Variants in JCAD observed in about 807,000 individuals in gnomAD.
The protein encoded by JCAD is junctional cadherin 5 associated.
JCAD carries 40 observed loss-of-function variants against 98.0 expected under a neutral mutation model. The ratio of observed to expected loss-of-function variants is 0.41; its 90% CI spans 0.32 to 0.53. The LOEUF (loss-of-function observed/expected upper bound fraction) is 0.53. Ranked by LOEUF, JCAD falls within the 20% of genes least tolerant of loss-of-function variation. The probability of loss-of-function intolerance (pLI) is 0.31; values close to 1 mark genes in which losing one functional copy is unlikely to be tolerated. For synonymous variants in JCAD, 691 were observed against 682.3 expected, an observed-to-expected ratio of 1.01 and a Z score of -0.20; for missense variants, 1,705 against 1,738.1, an observed-to-expected ratio of 0.98 and a Z score of 0.34.
intron 1 of JCAD, among the ~76,000 whole-genome samples, chr10:30,115,173 CAG>C (rs1447990180): frequency 6.6e-6 from 1 of 152,306 alleles, no homozygotes; most frequent in East Asian, 1.9e-4. Flanking sequence ...TCTCCACAAA[CAG>C]AGAATTGATT....
chr10:30,107,392 G>A (rs1838605020), intron 1 of JCAD, among the ~76,000 whole-genome samples: 1 of 152,200 alleles, frequency 6.6e-6, no homozygotes, highest in South Asian at 2.1e-4. Context: ...GCATTGGCAT[G>A]CTAGAAGACA....
At chr10:30,040,797 G>T (rs769459476) in intron 2 of JCAD, among the ~76,000 whole-genome samples, 1 of 152,248 alleles carries the variant, frequency 6.6e-6, no homozygotes, top group East Asian at 1.9e-4. Flanking sequence ...GAACGCAGAG[G>T]CACAGCCATC....
chr10:30,028,863 G>A lies in JCAD; in HGVS notation c.1285C>T (p.Pro429Ser). Residue 429 changes from proline to serine, a missense_variant, in exon 3 of 4, where the codon CCA (proline) becomes TCA (serine). Around this residue, in one of 3 missense-constraint regions of JCAD, gnomAD observed 1,278 missense variants for 1,243.1 expected, o/e 1.03. Coordinates refer to ENST00000375377, the MANE Select transcript of JCAD (RefSeq NM_020848.4). Reference protein sequence around the residue: ...GFVQYIPFDDPRLRHFKLAQP... With the variant: ...GFVQYIPFDDSRLRHFKLAQP... ...GCTAGTTTAAAATGTCGTAACCGTG[G>A]ATCATCAAAGGGAATGTACTGAACG... 1 of 1,614,224 alleles carries A rather than the reference G, an allele frequency of 6.2e-7. No individual in the cohort carries two copies. The highest frequency in any genetic ancestry group is 8.5e-7 in the Non-Finnish European group (1 of 1,180,048).
chr10:30,077,406 A>G lies in JCAD; in HGVS notation n.129-7585T>C, dbSNP rs145328947. On this transcript the variant is annotated intron_variant and non_coding_transcript_variant, in intron 1 of 2. Transcript: ENST00000465712. ...ATTCTCCTGCCTCAGCCTCCCAAGT[A>G]GCTGGGACTACAAGCACCTACCACC... 4.1e-4 allele frequency among the ~76,000 whole-genome samples: 63 copies of G among 152,248 alleles called. 1 individual carries two copies. The East Asian group carries it at 0.011, about 27-fold the overall frequency.
intron 1 of JCAD, among the ~76,000 whole-genome samples, chr10:30,050,351 G>GAAAA (rs1837444662): frequency 8.8e-6 from 1 of 113,392 alleles, no homozygotes; most frequent in Non-Finnish European, 1.9e-5. Context: ...AAGAAAGAAA[G>GAAAA]AAAAGAAATT....
chr10:30,082,240 T>TA (rs986817222), intron 1 of JCAD, among the ~76,000 whole-genome samples: 1 of 152,086 alleles, frequency 6.6e-6, no homozygotes, highest in Non-Finnish European at 1.5e-5. Context: ...GGATGAAAAA[T>TA]AGAGTTAGTT....
rs891485693 is a variant in JCAD at position 30,030,699 on chromosome 10, C to T, written c.282-833G>A. On this transcript the variant is annotated intron_variant, in intron 2 of 3. Coordinates refer to ENST00000375377, the MANE Select transcript of JCAD (RefSeq NM_020848.4). Reference sequence around the variant, plus strand: ...GTCCCATCCCCAGCTTCTCATCTGGCGGGTCTGGAGAGGGGCTCTATAATC... The same window carrying T: ...GTCCCATCCCCAGCTTCTCATCTGGTGGGTCTGGAGAGGGGCTCTATAATC... Among the ~76,000 whole-genome samples the T allele has an allele frequency of 3.3e-5, 5 of 152,014 alleles. No individual in the cohort carries two copies. The South Asian group carries it at 8.3e-4, about 25-fold the overall frequency.
intron 1 of JCAD, among the ~76,000 whole-genome samples, chr10:30,086,739 T>G (rs1378769444): frequency 2.0e-5 from 3 of 152,232 alleles, no homozygotes; most frequent in African/African-American, 7.2e-5. Flanking sequence ...AACTGTAGAT[T>G]CAAACTCTTT....
At chr10:30,109,293 AGGCTT>A (rs1045479112) in intron 1 of JCAD, among the ~76,000 whole-genome samples, 4 of 152,198 alleles carry the variant, frequency 2.6e-5, no homozygotes, top group African/African-American at 4.8e-5. Flanking sequence ...ATGCATGTCT[AGGCTT>A]GGTTCATTAA....
rs148567590 is a variant in JCAD, at chr10:30,047,136, G to T, written c.281+396C>A. On this transcript the variant is annotated intron_variant, in intron 2 of 3. Coordinates refer to ENST00000375377, the MANE Select transcript of JCAD (RefSeq NM_020848.4). The stretch of plus-strand genomic sequence containing the variant: ...GCTCACTAATCCCAGCACTTTGGGA[G>T]GCCTAGGCGGGCAGATCACGAGGTC... Among the ~76,000 whole-genome samples, 1,060 of 152,210 alleles carry T rather than the reference G, an allele frequency of 7.0e-3. 15 individuals are homozygous for T. Among genetic ancestry groups the T allele is most frequent in the South Asian group, 0.052 (250 of 4,822 alleles).
At position 30,059,002 on chromosome 10, in the gene JCAD, C is replaced by T. The variant is rs2132657443; in HGVS notation, c.-60+480G>A. 6.6e-6 allele frequency among the ~76,000 whole-genome samples: 1 copy of T among 152,204 alleles called. No individual in the cohort carries two copies. Among genetic ancestry groups the T allele is most frequent in the Non-Finnish European group, 1.5e-5 (1 of 67,982 alleles). ...CGTGGGAACTGGGACCTCGGGGACCCAGCGCGGCGGCTGTCAGCTCTGGGG... is the reference window on the plus strand; with the variant it reads ...CGTGGGAACTGGGACCTCGGGGACCTAGCGCGGCGGCTGTCAGCTCTGGGG... On this transcript the variant is annotated intron_variant, in intron 1 of 3. Transcript: ENST00000375377. This position sits in a 1 kb window ranked among gnomAD's most constrained non-coding sequence, Gnocchi z 5.0.
chr10:30,060,747 T>C (rs1837684990), upstream of JCAD, among the ~76,000 whole-genome samples: 2 of 152,142 alleles, frequency 1.3e-5, no homozygotes, highest in Admixed American at 1.3e-4. Context: ...TTAATCCTCA[T>C]CACAGTTTGA....
chr10:30,106,583 C>T (rs1012770056), intron 1 of JCAD, among the ~76,000 whole-genome samples: 2 of 152,320 alleles, frequency 1.3e-5, no homozygotes, highest in East Asian at 3.9e-4. Flanking sequence ...TTACCGCAAC[C>T]TCTGCCTCCT....
At chr10:30,065,043 T>C (rs1343705119) in intron 2 of JCAD, among the ~76,000 whole-genome samples, 1 of 152,188 alleles carries the variant, frequency 6.6e-6, no homozygotes, top group Admixed American at 6.6e-5. Flanking sequence ...CAATAGTGGT[T>C]ACACAGAAAC....
chr10:30,074,794 TG>T (rs981066241), intron 1 of JCAD, among the ~76,000 whole-genome samples: 6 of 151,922 alleles, frequency 3.9e-5, no homozygotes, highest in South Asian at 4.2e-4. Context: ...ACTACTGTTT[TG>T]TTTTTTTTTT....
intron 1 of JCAD, among the ~76,000 whole-genome samples, chr10:30,083,080 T>C (rs1250668593): frequency 1.3e-5 from 2 of 151,860 alleles, no homozygotes; most frequent in Non-Finnish European, 2.9e-5. Flanking sequence ...GATGATACAA[T>C]TGATTTGGAA....
intron 2 of JCAD, among the ~76,000 whole-genome samples, chr10:30,038,539 A>G (rs1270188112): frequency 6.6e-6 from 1 of 151,642 alleles, no homozygotes; most frequent in African/African-American, 2.4e-5. Flanking sequence ...TAAAAAGAAA[A>G]ATTAGCTAGA....
chr10:30,076,359 C>T (rs943930710), intron 1 of JCAD, among the ~76,000 whole-genome samples: 2 of 152,172 alleles, frequency 1.3e-5, no homozygotes, highest in Non-Finnish European at 2.9e-5. Flanking sequence ...AGTACCCGTA[C>T]AGAAATCTGA....
chr10:30,092,056 AAAAAAAAAATAT>A (rs1385048788), intron 1 of JCAD, among the ~76,000 whole-genome samples: 748 of 26,734 alleles, frequency 0.028, 30 homozygotes, highest in East Asian at 0.098. Flanking sequence ...AAAAAAAAAA[AAAAAAAAAATAT>A]ATATATATAT....
Sources: allele counts gnomAD v4.1 joint callset (sites outside exome capture counted in the v4.1 genomes callset), GRCh38; gene constraint gnomAD v4.1.1; regional missense constraint gnomAD v4.1.1; non-coding constraint Gnocchi (gnomAD v3.1); transcripts MANE v1.5; gene names NCBI Gene and HGNC (gene_info 2026-07-23, HGNC 2026-07-21).